Variants in RALGPS2 observed in about 807,000 individuals in gnomAD.
RALGPS2 encodes ras-specific guanine nucleotide-releasing factor RalGPS2.
RALGPS2 carries 43 observed loss-of-function variants against 86.8 expected under a neutral mutation model. The observed-to-expected ratio is 0.50, with a 90% CI of 0.39 to 0.64. The LOEUF (loss-of-function observed/expected upper bound fraction) is 0.64, where lower values mean the gene tolerates loss of function less well. Ranked by LOEUF, RALGPS2 falls within the 30% of genes least tolerant of loss-of-function variation. The pLI, the probability that RALGPS2 is intolerant of heterozygous loss-of-function variation, is 0.00. For missense variants in RALGPS2, 536 were observed against 694.6 expected (o/e 0.77, Z 2.57); for synonymous variants, 243 against 231.3 (o/e 1.05, Z -0.46).
chr1:178,742,148 A>G (rs1651070458), intron 1 of RALGPS2, among the ~76,000 whole-genome samples: 1 of 151,476 alleles, frequency 6.6e-6, no homozygotes, highest in African/African-American at 2.4e-5. Context: ...AAAAAAAAAA[A>G]AAAGAAGAAG....
intron 10 of RALGPS2, among the ~76,000 whole-genome samples, chr1:178,882,360 A>G (rs987528435): frequency 6.6e-5 from 10 of 152,240 alleles, no homozygotes; most frequent in Non-Finnish European, 4.4e-5. Context: ...AGTTCTGAGC[A>G]CAGTGCCCAA....
intron 13 of RALGPS2, among the ~76,000 whole-genome samples, chr1:178,887,192 C>A (rs1659527033): frequency 6.6e-6 from 1 of 152,194 alleles, no homozygotes; most frequent in South Asian, 2.1e-4. Context: ...GTGGCTCACA[C>A]CTGTAATCCC....
intron 1 of RALGPS2, among the ~76,000 whole-genome samples, chr1:178,750,202 A>G (rs760516227): frequency 3.0e-4 from 46 of 152,224 alleles, no homozygotes; most frequent in Non-Finnish European, 1.3e-4. Context: ...CTAAAGGCCC[A>G]AAAAGTAAAT....
At chr1:178,808,149 A>T (rs1553265836) in intron 5 of RALGPS2, 21 bp downstream of exon 5, 1 of 1,497,698 alleles carries the variant, frequency 6.7e-7, no homozygotes, top group Non-Finnish European at 9.3e-7. Context: ...AAATTTTGAT[A>T]CTGTGTCTGA....
chr1:178,894,431 A>C (rs1368643739), intron 16 of RALGPS2: 1 of 154,108 alleles, frequency 6.5e-6, no homozygotes, highest in Non-Finnish European at 1.4e-5. Flanking sequence ...GGATCTTAGC[A>C]ACCTTAGCGT....
intron 8 of RALGPS2, among the ~76,000 whole-genome samples, chr1:178,848,680 T>C (rs909653737): frequency 2.6e-5 from 4 of 152,004 alleles, no homozygotes; most frequent in Admixed American, 2.6e-4. Context: ...TGAGAAAGAG[T>C]CTAACTCTGT....
At chr1:178,744,817 C>CAAAAAAAAAAAAAA (rs148175568) in intron 1 of RALGPS2, among the ~76,000 whole-genome samples, 1 of 66,030 alleles carries the variant, frequency 1.5e-5, no homozygotes, top group African/African-American at 4.4e-5. Context: ...GACTCCATCT[C>CAAAAAAAAAAAAAA]AAAAAAAAAA....
intron 1 of RALGPS2, among the ~76,000 whole-genome samples, chr1:178,745,480 T>G (rs1572278609): frequency 6.6e-6 from 1 of 152,198 alleles, no homozygotes; most frequent in East Asian, 1.9e-4. Context: ...AGTACATAAA[T>G]GGACAACTGA....
intron 6 of RALGPS2, 94 bp downstream of exon 6, chr1:178,811,498 G>A: frequency 1.1e-6 from 1 of 926,796 alleles, no homozygotes. Flanking sequence ...ACTGTTTATT[G>A]ATACTGGAAA....
chr1:178,732,989 A>G (rs1448106863), intron 1 of RALGPS2, among the ~76,000 whole-genome samples: 1 of 152,126 alleles, frequency 6.6e-6, no homozygotes, highest in Non-Finnish European at 1.5e-5. Flanking sequence ...ACATGGGTAT[A>G]TTTTGAATTC....
intron 1 of RALGPS2, among the ~76,000 whole-genome samples, chr1:178,732,437 T>C (rs955330668): frequency 1.3e-5 from 2 of 152,138 alleles, no homozygotes; most frequent in African/African-American, 4.8e-5. Context: ...TAGCTGGGAC[T>C]ACAGTTGCGT....
rs1268894873 is a variant in RALGPS2, at chr1:178,865,227, C to G, written c.608-12271C>G. On this transcript the variant is annotated intron_variant, in intron 8 of 19. Transcript: ENST00000367635. ...ATCACAGATTGGTTATTGACAAGAT[C>G]AGTCAAGGAAGCGTATTTCACCTCT... The G allele has an allele frequency of 6.2e-7, 1 of 1,614,100 alleles. No homozygotes were observed. Among genetic ancestry groups the G allele is most frequent in the Non-Finnish European group, 8.5e-7 (1 of 1,179,990 alleles).
intron 2 of RALGPS2, among the ~76,000 whole-genome samples, 172 bp downstream of exon 2, chr1:178,776,993 C>G (rs1339708321): frequency 6.6e-6 from 1 of 151,256 alleles, no homozygotes; most frequent in Non-Finnish European, 1.5e-5. Flanking sequence ...GGTACATGTG[C>G]ACATTGTGCG....
In RALGPS2 at chr1:178,918,265, C is replaced by A. The variant is rs1660874847; in HGVS notation, c.*1906C>A. On this transcript the variant is annotated 3_prime_UTR_variant, in exon 20 of 20. Coordinates refer to ENST00000367635, the MANE Select transcript of RALGPS2 (RefSeq NM_152663.5). ...ATAGCCAGCAGTATTACTACGTAGACCTTGCACATCTTACTTTTGTTTTGC... is the reference window on the plus strand; with the variant it reads ...ATAGCCAGCAGTATTACTACGTAGAACTTGCACATCTTACTTTTGTTTTGC... 6.6e-6 allele frequency: 1 copy of A among 152,072 alleles called. No individual in the cohort carries two copies. The highest frequency in any genetic ancestry group is 2.4e-5 in the African/African-American group (1 of 41,424). The allele number at this position is 152,072 out of a possible 1,614,324, so 9.4% of individuals were successfully genotyped here.
intron 2 of RALGPS2, among the ~76,000 whole-genome samples, chr1:178,777,108 C>G (rs966421324): frequency 1.6e-5 from 2 of 128,400 alleles, no homozygotes; most frequent in Non-Finnish European, 3.3e-5. Flanking sequence ...CCCCTCCCCC[C>G]ACCCCACCAC....
At chr1:178,859,837 C>T (rs1292910842) in intron 8 of RALGPS2, among the ~76,000 whole-genome samples, 1 of 133,374 alleles carries the variant, frequency 7.5e-6, no homozygotes, top group Non-Finnish European at 1.6e-5. Context: ...CCCCCCCAAC[C>T]GCCCAAGTAG....
At chr1:178,747,816 C>T (rs937896366) in intron 1 of RALGPS2, 28 of 649,372 alleles carry the variant, frequency 4.3e-5, no homozygotes, top group South Asian at 5.3e-5. Context: ...AGGCCCTGCA[C>T]GATCCGCAGA....
chr1:178,782,350 T>C (rs959750294), intron 2 of RALGPS2, among the ~76,000 whole-genome samples: 2 of 152,158 alleles, frequency 1.3e-5, no homozygotes, highest in Non-Finnish European at 1.5e-5. Context: ...TCACTTCTGC[T>C]TCTAGCAGGA....
At position 178,864,255 on chromosome 1, in the gene RALGPS2, A is replaced by G. The variant is rs189471077; in HGVS notation, c.608-13243A>G. Among the ~76,000 whole-genome samples the G allele has an allele frequency of 1.2e-3, 189 of 152,316 alleles. 1 individual carries two copies. The highest frequency in any genetic ancestry group is 1.7e-3 in the Non-Finnish European group (113 of 68,030). ...ATGAAATTTAAAAGTAGAGTTTGGAATCATGCATGATCAATGCAATAGTTT... is the reference window on the plus strand; with the variant it reads ...ATGAAATTTAAAAGTAGAGTTTGGAGTCATGCATGATCAATGCAATAGTTT... On this transcript the variant is annotated intron_variant, in intron 8 of 19. Transcript: ENST00000367635.
Sources: gnomAD v4.1 joint callset for allele counts (sites outside exome capture counted in the v4.1 genomes callset) on GRCh38, gnomAD v4.1.1 for gene constraint, MANE v1.5 for transcripts, NCBI Gene and HGNC (gene_info 2026-07-23, HGNC 2026-07-21) for gene names.